Variants in PCSK5 observed in about 807,000 individuals in gnomAD.
PCSK5 encodes the protein proprotein convertase subtilisin/kexin type 5, also known as prohormone convertase 5.
A neutral mutation model predicts 233.2 loss-of-function variants in PCSK5; 129 were observed. The ratio of observed to expected loss-of-function variants is 0.55; its 90% CI spans 0.48 to 0.64. The LOEUF (loss-of-function observed/expected upper bound fraction) is 0.64, where lower values mean the gene tolerates loss of function less well. Ranked by LOEUF, PCSK5 falls within the 30% of genes least tolerant of loss-of-function variation. PCSK5 has a pLI of 0.00. For synonymous variants in PCSK5, 825 were observed against 879.2 expected (o/e 0.94, Z 1.09); for missense variants, 2,076 against 2,430.1 (o/e 0.85, Z 3.06).
intron 24 of PCSK5, among the ~76,000 whole-genome samples, chr9:76,246,999 G>C (rs1826628305): frequency 6.6e-6 from 1 of 152,232 alleles, no homozygotes; most frequent in Non-Finnish European, 1.5e-5. Context: ...GCCATGAGGT[G>C]AGTGTTATAG....
intron 1 of PCSK5, among the ~76,000 whole-genome samples, chr9:75,899,442 G>A (rs1013567553): frequency 9.9e-5 from 15 of 152,026 alleles, no homozygotes; most frequent in African/African-American, 3.4e-4. Flanking sequence ...TTATTATGTT[G>A]TTTATCCCTA....
At chr9:76,170,974 G>A (rs10869719) in intron 13 of PCSK5, among the ~76,000 whole-genome samples, 11,712 of 152,208 alleles carry the variant, frequency 0.077, 741 homozygotes, top group East Asian at 0.3. Context: ...CCCATAATCA[G>A]GGAGGTCAAA....
chr9:76,179,897 T>G (rs1304287062), intron 15 of PCSK5, among the ~76,000 whole-genome samples, 199 bp downstream of exon 15: 2 of 152,078 alleles, frequency 1.3e-5, no homozygotes, highest in Non-Finnish European at 2.9e-5. Context: ...CTATATTGAG[T>G]TACAAAACGC....
intron 8 of PCSK5, among the ~76,000 whole-genome samples, chr9:76,106,559 T>C (rs1446105005): frequency 6.6e-6 from 1 of 152,210 alleles, no homozygotes; most frequent in Non-Finnish European, 1.5e-5. Context: ...AAAAATAAAA[T>C]GGAGAAATAA....
intron 27 of PCSK5, among the ~76,000 whole-genome samples, chr9:76,301,486 T>C (rs1828598499): frequency 6.6e-6 from 1 of 152,066 alleles, no homozygotes; most frequent in Non-Finnish European, 1.5e-5. Context: ...ATCTCAAAAA[T>C]ATAACAAAAG....
chr9:76,246,797 G>A (rs1245825617), intron 24 of PCSK5, among the ~76,000 whole-genome samples: 1 of 152,210 alleles, frequency 6.6e-6, no homozygotes, highest in Non-Finnish European at 1.5e-5. Flanking sequence ...ATGACACACT[G>A]TTACATGGAA....
intron 23 of PCSK5, among the ~76,000 whole-genome samples, chr9:76,239,487 G>T (rs1826360612): frequency 6.6e-6 from 1 of 152,078 alleles, no homozygotes; most frequent in Admixed American, 6.6e-5. Context: ...TTGAGGCCAG[G>T]AGTTCGAGAC....
At chr9:76,116,555 G>T (rs13290495) in intron 9 of PCSK5, among the ~76,000 whole-genome samples, 1 of 151,894 alleles carries the variant, frequency 6.6e-6, no homozygotes. Flanking sequence ...CCCCTTGAGT[G>T]TGGAGATGCT....
chr9:76,047,395 T>TC (rs1484140518), intron 5 of PCSK5, among the ~76,000 whole-genome samples: 6 of 152,170 alleles, frequency 3.9e-5, no homozygotes, highest in Admixed American at 1.3e-4. Flanking sequence ...AGCATGCAGT[T>TC]CAGGGCCTGA....
chr9:75,958,577 T>C (rs1209482882), intron 2 of PCSK5, among the ~76,000 whole-genome samples: 1 of 152,190 alleles, frequency 6.6e-6, no homozygotes, highest in Non-Finnish European at 1.5e-5. Flanking sequence ...GGCCATTACC[T>C]GTGTAAGATT....
intron 10 of PCSK5, among the ~76,000 whole-genome samples, chr9:76,156,294 T>C (rs1335708324): frequency 9.2e-5 from 14 of 152,234 alleles, no homozygotes; most frequent in Admixed American, 9.2e-4. Context: ...GAGACAGTTA[T>C]GTCAAATTCA....
intron 2 of PCSK5, among the ~76,000 whole-genome samples, chr9:75,935,521 C>T (rs574976318): frequency 6.6e-6 from 1 of 152,218 alleles, no homozygotes; most frequent in African/African-American, 2.4e-5. Context: ...GTAAGTATAA[C>T]AATAAAAATC....
At chr9:76,228,323 A>G (rs995756770) in intron 21 of PCSK5, among the ~76,000 whole-genome samples, 1 of 152,148 alleles carries the variant, frequency 6.6e-6, no homozygotes, top group African/African-American at 2.4e-5. Context: ...ACCTCTTCCC[A>G]GTAAAAATAA....
At chr9:75,902,230 A>T (rs890754146) in intron 1 of PCSK5, among the ~76,000 whole-genome samples, 7 of 134,172 alleles carry the variant, frequency 5.2e-5, no homozygotes, top group Non-Finnish European at 1.0e-4. Flanking sequence ...AAAAAAAAAA[A>T]AAAAAAAAAA....
intron 2 of PCSK5, among the ~76,000 whole-genome samples, chr9:75,963,406 A>G (rs1221987438): frequency 2.6e-5 from 4 of 152,260 alleles, no homozygotes; most frequent in African/African-American, 7.2e-5. Flanking sequence ...AAGAATAAGA[A>G]TTATAGAGCG....
At chr9:75,894,480 G>T (rs553200726) in intron 1 of PCSK5, among the ~76,000 whole-genome samples, 1 of 152,158 alleles carries the variant, frequency 6.6e-6, no homozygotes, top group East Asian at 1.9e-4. Context: ...CATAAATGAA[G>T]GTTTTCTTGC....
intron 24 of PCSK5, among the ~76,000 whole-genome samples, chr9:76,248,923 G>T (rs990146407): frequency 1.3e-5 from 2 of 152,082 alleles, no homozygotes; most frequent in Admixed American, 6.6e-5. Flanking sequence ...TGCACTATTA[G>T]CCTGGACTAA....
At chr9:75,899,613 T>C (rs1825943705) in intron 1 of PCSK5, among the ~76,000 whole-genome samples, 1 of 152,180 alleles carries the variant, frequency 6.6e-6, no homozygotes, top group Non-Finnish European at 1.5e-5. Context: ...ATTCCACATA[T>C]AAGCGGGATC....
Position 76,181,448 on chromosome 9 carries a change from G to T in PCSK5, c.2054G>T (p.Arg685Leu). ...GGCCACTACCACGCCGACAAGAAGC[G>T]CTGCAGGAAGTGTGCCCCCAACTGT... is the stretch of plus-strand genomic sequence containing the variant. Reference protein sequence around the residue: ...PPGHYHADKKRCRKCAPNCES... With the variant: ...PPGHYHADKKLCRKCAPNCES... Residue 685 changes from arginine (R) to leucine (L), a missense_variant, in exon 16 of 38, where the codon CGC becomes CTC. This residue lies in a region of PCSK5 where 1,510 missense variants were observed against 1,538.1 expected (regional missense o/e 0.98). Transcript: ENST00000674117. 6.2e-7 allele frequency: 1 copy of T among 1,614,032 alleles called. No individual in the cohort carries two copies. Among genetic ancestry groups the T allele is most frequent in the Non-Finnish European group, 8.5e-7 (1 of 1,179,952 alleles).
Sources: gnomAD v4.1 joint callset for allele counts (sites outside exome capture counted in the v4.1 genomes callset) on GRCh38, gnomAD v4.1.1 for gene constraint, gnomAD v4.1.1 regional missense constraint, MANE v1.5 for transcripts, NCBI Gene and HGNC (gene_info 2026-07-23, HGNC 2026-07-21) for gene names.